The following DCLRE1B variants were observed in gnomAD, a reference collection of about 807,000 sequenced individuals.
The protein encoded by DCLRE1B is 5' exonuclease Apollo.
Under a neutral mutation model 19.8 loss-of-function variants are expected in DCLRE1B, and 6 were observed. The ratio of observed to expected loss-of-function variants is 0.30; its 90% CI spans 0.17 to 0.60. The LOEUF (loss-of-function observed/expected upper bound fraction) is 0.60. Ranked by LOEUF, DCLRE1B falls within the 20% of genes least tolerant of loss-of-function variation. The probability of loss-of-function intolerance (pLI) is 0.87; values close to 1 mark genes in which losing one functional copy is unlikely to be tolerated. For synonymous variants in DCLRE1B, 258 were observed against 255.7 expected (o/e 1.01, Z -0.09); for missense variants, 622 against 654.2 (o/e 0.95, Z 0.54).
upstream of DCLRE1B, chr1:113,904,726 G>A (rs747227913): frequency 4.0e-5 from 64 of 1,610,974 alleles, no homozygotes; most frequent in Non-Finnish European, 5.2e-5. Context: ...ATCTTCCTAA[G>A]AGTCACAGGG....
rs1669343183 is a variant in DCLRE1B at position 113,913,628 on chromosome 1, T to G, written c.*1437T>G. The G allele has an allele frequency of 6.5e-6, 1 of 152,722 alleles. No individual in the cohort carries two copies. The highest frequency in any genetic ancestry group is 2.4e-5 in the African/African-American group (1 of 41,448). 9.5% of individuals were successfully genotyped at this position (152,722 alleles called of 1,614,324 possible). On this transcript the variant is annotated 3_prime_UTR_variant, in exon 4 of 4. Transcript: ENST00000650450. ...GACTTGAGATTCCTACCTCTCATGATTACTATGGAGATTGAATAATTGGTA... is the reference window on the plus strand; with the variant it reads ...GACTTGAGATTCCTACCTCTCATGAGTACTATGGAGATTGAATAATTGGTA...
intron 3 of DCLRE1B, among the ~76,000 whole-genome samples, chr1:113,908,650 C>G (rs1169305433): frequency 6.6e-6 from 1 of 152,174 alleles, no homozygotes; most frequent in Admixed American, 6.5e-5. Context: ...AAACTGCAAC[C>G]TGCCCACCAT....
intron 2 of DCLRE1B, 56 bp downstream of exon 2, chr1:113,907,217 T>TTTTTTTG (rs1669064068): frequency 3.3e-6 from 4 of 1,212,460 alleles, no homozygotes; most frequent in African/African-American, 1.9e-5. Context: ...TTTTTTTTTT[T>TTTTTTTG]TTTTTTTTTT....
chr1:113,906,627 A>C (rs977357194), intron 1 of DCLRE1B, among the ~76,000 whole-genome samples: 1 of 151,636 alleles, frequency 6.6e-6, no homozygotes, highest in African/African-American at 2.4e-5. Context: ...AGTAGCTGGG[A>C]CTACAGGCGC....
At chr1:113,907,201 GAT>G in intron 2 of DCLRE1B, 40 bp downstream of exon 2, 1 of 245,260 alleles carries the variant, frequency 4.1e-6, no homozygotes, top group South Asian at 5.7e-5. Flanking sequence ...CTCCAGACTA[GAT>G]GTTTTTTTTT....
intron 3 of DCLRE1B, among the ~76,000 whole-genome samples, chr1:113,909,248 T>C (rs1669161088): frequency 6.6e-6 from 1 of 152,240 alleles, no homozygotes; most frequent in South Asian, 2.1e-4. Flanking sequence ...TGCTTTAAAT[T>C]AAGTATACTG....
chr1:113,912,216 C>T lies in DCLRE1B; in HGVS notation c.*25C>T. The T allele has an allele frequency of 1.9e-6, 3 of 1,567,952 alleles. No homozygotes were observed. The highest frequency in any genetic ancestry group is 2.6e-6 in the Non-Finnish European group (3 of 1,158,802). ...AAGACAGGAGAGTACAGAATGACAA[C>T]ATTGAGCCCACACTGCAGTTTTGAA... On this transcript the variant is annotated 3_prime_UTR_variant, in exon 4 of 4. Transcript: ENST00000650450.
Position 113,913,437 on chromosome 1 carries a change from C to CT in DCLRE1B, c.*1247dup, listed in dbSNP as rs1669337551. The CT allele has an allele frequency of 2.6e-5, 4 of 152,770 alleles. No individual in the cohort carries two copies. Among genetic ancestry groups the CT allele is most frequent in the South Asian group, 2.1e-4 (1 of 4,828 alleles). The allele number at this position is 152,770 out of a possible 1,614,324, so 9.5% of individuals were successfully genotyped here. On this transcript the variant is annotated 3_prime_UTR_variant, in exon 4 of 4. Transcript: ENST00000650450. ...GCTCTTGGGAAAGCTATACACAGCT[C>CT]TGTTTTGTCAATGACCTTTGTTGTA...
In DCLRE1B at chr1:113,912,937, A is replaced by G. The variant is rs1253485084; in HGVS notation, c.*746A>G. ...AGTACCTAGAGCCCAGCTGAACAAC[A>G]AGGCTTTGGGTGTGAAGGGACTCCC... On this transcript the variant is annotated 3_prime_UTR_variant, in exon 4 of 4. Coordinates refer to ENST00000650450, the MANE Select transcript of DCLRE1B (RefSeq NM_022836.4). The G allele has an allele frequency of 6.6e-6, 1 of 152,630 alleles. No homozygotes were observed. The highest frequency in any genetic ancestry group is 6.5e-5 in the Admixed American group (1 of 15,272). The allele number at this position is 152,630 out of a possible 1,614,324, so 9.5% of individuals were successfully genotyped here.
rs766935745 is a variant in DCLRE1B at position 113,911,274 on chromosome 1, C to T, written c.682C>T (p.Arg228Cys). 3.7e-6 allele frequency: 6 copies of T among 1,613,978 alleles called. No homozygotes were observed. Among genetic ancestry groups the T allele is most frequent in the South Asian group, 1.1e-5 (1 of 91,086 alleles). Residue 228 changes from arginine to cysteine, a missense_variant, in exon 4 of 4, where the codon CGC becomes TGC. Arg to Cys is a radical substitution (Grantham distance 180). Around this residue, in one of 3 missense-constraint regions of DCLRE1B, gnomAD observed 382 missense variants for 412.5 expected, o/e 0.93. Transcript: ENST00000650450. The stretch of plus-strand genomic sequence containing the variant: ...GTTCACAGTGGAGGAGAAGGCTGGC[C>T]GCATCCATGCAGTAGACCATATGGA... ...DVFTVEEKAGRIHAVDHMEIC... is the reference protein window; with the variant it reads ...DVFTVEEKAGCIHAVDHMEIC...
upstream of DCLRE1B, chr1:113,904,880 C>T (rs1373468614): frequency 1.5e-6 from 1 of 680,534 alleles, no homozygotes; most frequent in Admixed American, 2.1e-5. Flanking sequence ...CACGCTGGCC[C>T]TGACACACTT....
upstream of DCLRE1B, chr1:113,905,016 G>A (rs1350303810): frequency 2.3e-6 from 1 of 428,144 alleles, no homozygotes; most frequent in South Asian, 2.1e-5. Context: ...GATTTCCAGC[G>A]CCGCGTCCGA....
rs1252852702 is a variant in DCLRE1B, at chr1:113,912,669, ATTT to A, written c.*481_*483del. 1 of 152,894 alleles carries A rather than the reference ATTT, an allele frequency of 6.5e-6. No individual in the cohort carries two copies. The highest frequency in any genetic ancestry group is 2.4e-5 in the African/African-American group (1 of 41,440). 9.5% of individuals were successfully genotyped at this position (152,894 alleles called of 1,614,324 possible). ...CAGATCAAAATCCCTAGGGAGTTCT[ATTT>A]TTAAAATTATGAACTATGGCGCTGC... On this transcript the variant is annotated 3_prime_UTR_variant, in exon 4 of 4. Coordinates refer to ENST00000650450, the MANE Select transcript of DCLRE1B (RefSeq NM_022836.4).
Position 113,911,337 on chromosome 1 carries a change from C to T in DCLRE1B, c.745C>T (p.His249Tyr). The change falls in exon 4 of 4, where the codon CAC becomes TAC. Residue 249 changes from histidine (H) to tyrosine (Y), a missense_variant. By Grantham distance (83) the His-to-Tyr change is moderately conservative (BLOSUM62 2). Around this residue, in one of 3 missense-constraint regions of DCLRE1B, gnomAD observed 382 missense variants for 412.5 expected, o/e 0.93. Coordinates refer to ENST00000650450, the MANE Select transcript of DCLRE1B (RefSeq NM_022836.4). ...HSNMLRWNQT[H>Y]PTIAILPTSR... ...CAACATGCTGCGTTGGAACCAGACC[C>T]ACCCTACGATTGCTATCCTTCCCAC... The T allele has an allele frequency of 6.2e-7, 1 of 1,614,168 alleles. No individual in the cohort carries two copies. Among genetic ancestry groups the T allele is most frequent in the Non-Finnish European group, 8.5e-7 (1 of 1,180,030 alleles).
In DCLRE1B at chr1:113,913,435, C is replaced by G. The variant is rs1669337408; in HGVS notation, c.*1244C>G. On this transcript the variant is annotated 3_prime_UTR_variant, in exon 4 of 4. Coordinates refer to ENST00000650450, the MANE Select transcript of DCLRE1B (RefSeq NM_022836.4). ...TTGCTCTTGGGAAAGCTATACACAG[C>G]TCTGTTTTGTCAATGACCTTTGTTG... 6.5e-6 allele frequency: 1 copy of G among 152,776 alleles called. No individual in the cohort carries two copies. The highest frequency in any genetic ancestry group is 2.1e-4 in the South Asian group (1 of 4,830). The allele number at this position is 152,776 out of a possible 1,614,324, so 9.5% of individuals were successfully genotyped here. A position where few individuals can be genotyped will look rare whatever the true frequency, so the allele number is the denominator to read the frequency against.
chr1:113,907,269 G>A (rs1669069998), intron 2 of DCLRE1B, 108 bp downstream of exon 2: 2 of 1,072,158 alleles, frequency 1.9e-6, no homozygotes, highest in Non-Finnish European at 2.5e-6. Context: ...TGTTGCCGAG[G>A]CTGGTCTCAA....
upstream of DCLRE1B, chr1:113,904,926 G>C: frequency 1.8e-6 from 1 of 567,166 alleles, no homozygotes; most frequent in Non-Finnish European, 3.2e-6. Context: ...CCCACCCTAG[G>C]CTCTTCAGGC....
chr1:113,911,057 G>T, intron 3 of DCLRE1B, 74 bp from the exon 4 acceptor site: 4 of 1,374,180 alleles, frequency 2.9e-6, no homozygotes, highest in Non-Finnish European at 3.0e-6. Context: ...ACATTTTGTT[G>T]ATTTATTAGG....
chr1:113,905,043 C>T, upstream of DCLRE1B: 1 of 405,848 alleles, frequency 2.5e-6, no homozygotes, highest in South Asian at 2.1e-5. Context: ...GCAGACCCCT[C>T]CCTCTCCAGT....
Sources: allele counts gnomAD v4.1 joint callset (sites outside exome capture counted in the v4.1 genomes callset), GRCh38; gene constraint gnomAD v4.1.1; regional missense constraint gnomAD v4.1.1; transcripts MANE v1.5; gene names NCBI Gene and HGNC (gene_info 2026-07-23, HGNC 2026-07-21).